CFAP61: variants seen among roughly 807,000 people sequenced by gnomAD.
CFAP61 encodes cilia- and flagella-associated protein 61.
Under a neutral mutation model 135.6 loss-of-function variants are expected in CFAP61, and 107 were observed. The ratio of observed to expected loss-of-function variants is 0.79; its 90% CI spans 0.67 to 0.93. CFAP61 has a LOEUF of 0.93. Ranked by LOEUF, CFAP61 falls within the 40% of genes least tolerant of loss-of-function variation. CFAP61 has a pLI of 0.00. For missense variants in CFAP61, 1,507 were observed against 1,556.2 expected (o/e 0.97, Z 0.53); for synonymous variants, 575 against 578.5 (o/e 0.99, Z 0.09).
intron 21 of CFAP61, among the ~76,000 whole-genome samples, chr20:20,273,540 G>T (rs2053523854): frequency 6.6e-6 from 1 of 152,212 alleles, no homozygotes. Flanking sequence ...CCAAAAGTAT[G>T]ATCCAGCTAG....
At chr20:20,090,118 C>A (rs1473005381) in intron 6 of CFAP61, among the ~76,000 whole-genome samples, 3 of 152,116 alleles carry the variant, frequency 2.0e-5, no homozygotes, top group Non-Finnish European at 2.9e-5. Flanking sequence ...GAAGTGCTGC[C>A]CCTAGTCTCT....
chr20:20,289,718 G>C (rs6035597), intron 23 of CFAP61, among the ~76,000 whole-genome samples: 1 of 151,964 alleles, frequency 6.6e-6, no homozygotes, highest in Non-Finnish European at 1.5e-5. Context: ...GTCTTGCTCT[G>C]CTTCTCACTC....
intron 25 of CFAP61, among the ~76,000 whole-genome samples, chr20:20,314,617 T>A (rs1295320352): frequency 6.8e-6 from 1 of 146,734 alleles, no homozygotes; most frequent in Non-Finnish European, 1.5e-5. Flanking sequence ...ACATGTGCCA[T>A]GCTGGTGGGC....
intron 25 of CFAP61, among the ~76,000 whole-genome samples, chr20:20,336,582 G>A (rs1386104076): frequency 6.6e-6 from 1 of 151,676 alleles, no homozygotes; most frequent in Non-Finnish European, 1.5e-5. Flanking sequence ...CTATGACTGT[G>A]CCACTGTATT....
chr20:20,192,154 T>C (rs1205541688), intron 15 of CFAP61, among the ~76,000 whole-genome samples: 1 of 152,154 alleles, frequency 6.6e-6, no homozygotes, highest in African/African-American at 2.4e-5. Context: ...TTAGGGAGAA[T>C]TGACATTAAA....
intron 8 of CFAP61, among the ~76,000 whole-genome samples, chr20:20,116,408 T>C (rs2049144416): frequency 6.6e-6 from 1 of 152,198 alleles, no homozygotes; most frequent in Non-Finnish European, 1.5e-5. Flanking sequence ...TTGTCTCCTT[T>C]GCCGCGCAGA....
At chr20:20,082,501 T>C (rs1157456494) in intron 6 of CFAP61, among the ~76,000 whole-genome samples, 1 of 152,242 alleles carries the variant, frequency 6.6e-6, no homozygotes, top group African/African-American at 2.4e-5. Context: ...TGGGCTTAAT[T>C]AATCATCCAT....
At chr20:20,198,769 G>A (rs1329683347) in intron 16 of CFAP61, among the ~76,000 whole-genome samples, 1 of 152,162 alleles carries the variant, frequency 6.6e-6, no homozygotes, top group African/African-American at 2.4e-5. Context: ...AGTGGTGAAG[G>A]ATTTTAGAAA....
At position 20,196,449 on chromosome 20, in the gene CFAP61, G is replaced by A. The variant is rs1325520860; in HGVS notation, c.1591-121G>A. The A allele has an allele frequency of 4.2e-6, 3 of 721,966 alleles. No individual in the cohort carries two copies. The African/African-American group carries it at 5.4e-5, about 13-fold the overall frequency. The allele number at this position is 721,966 out of a possible 1,614,324, so 44.7% of individuals were successfully genotyped here. On this transcript the variant is annotated intron_variant, in intron 15 of 26. Coordinates refer to ENST00000245957, the MANE Select transcript of CFAP61 (RefSeq NM_015585.4). ...CCATGGAGATGAGGTGGCAAATATGGAAGAGAAAAATACGTTTCTTACTAT... is the reference window on the plus strand; with the variant it reads ...CCATGGAGATGAGGTGGCAAATATGAAAGAGAAAAATACGTTTCTTACTAT...
intron 17 of CFAP61, among the ~76,000 whole-genome samples, chr20:20,216,280 A>G (rs1845129872): frequency 6.6e-6 from 1 of 152,236 alleles, no homozygotes; most frequent in South Asian, 2.1e-4. Flanking sequence ...TGAGAAATTA[A>G]AAGTACGTGA....
intron 8 of CFAP61, among the ~76,000 whole-genome samples, chr20:20,113,665 G>A (rs1337620041): frequency 6.6e-6 from 1 of 152,048 alleles, no homozygotes; most frequent in Non-Finnish European, 1.5e-5. Context: ...TTCACATATG[G>A]TGTGATATAG....
intron 17 of CFAP61, among the ~76,000 whole-genome samples, chr20:20,219,324 T>C (rs559252932): frequency 2.0e-5 from 3 of 152,288 alleles, no homozygotes; most frequent in African/African-American, 7.2e-5. Context: ...ATTGATTTTA[T>C]CCCAAAATTT....
chr20:20,294,719 G>A (rs1304714360), intron 24 of CFAP61, among the ~76,000 whole-genome samples: 1 of 151,858 alleles, frequency 6.6e-6, no homozygotes, highest in Non-Finnish European at 1.5e-5. Context: ...ATGAGGTCAG[G>A]AGATCGAGAC....
At chr20:20,158,957 ATTACT>A (rs972931645) in intron 9 of CFAP61, among the ~76,000 whole-genome samples, 5 of 152,240 alleles carry the variant, frequency 3.3e-5, no homozygotes, top group African/African-American at 7.2e-5. Context: ...AGTTTTTGCC[ATTACT>A]TTAATGCAAT....
intron 8 of CFAP61, among the ~76,000 whole-genome samples, chr20:20,142,172 A>C (rs1250553291): frequency 6.6e-6 from 1 of 152,196 alleles, no homozygotes; most frequent in Non-Finnish European, 1.5e-5. Flanking sequence ...CAAAATGGGA[A>C]ATTTTTAGTA....
At chr20:20,328,781 G>A (rs2057860606) in intron 25 of CFAP61, among the ~76,000 whole-genome samples, 1 of 152,324 alleles carries the variant, frequency 6.6e-6, no homozygotes, top group South Asian at 2.1e-4. Context: ...ACATGAAAAG[G>A]TGTTAGACGT....
rs995669501 is a variant in CFAP61 at position 20,181,186 on chromosome 20, C to CATATATATGTATATATATGTATAT, written c.1386-6740_1386-6717dup. 2.6e-5 allele frequency among the ~76,000 whole-genome samples: 3 copies of CATATATATGTATATATATGTATAT among 114,364 alleles called. No homozygotes were observed. In the Admixed American group the frequency reaches 2.7e-4, roughly 10 times the overall value. 75.0% of individuals were successfully genotyped at this position (114,364 alleles called of 152,430 possible). A position where few individuals can be genotyped will look rare whatever the true frequency, so the allele number is the denominator to read the frequency against. On this transcript the variant is annotated intron_variant, in intron 13 of 26. Coordinates refer to ENST00000245957, the MANE Select transcript of CFAP61 (RefSeq NM_015585.4). ...AGTTATATATATACACATATATATG[C>CATATATATGTATATATATGTATAT]ATATATATGTATATATATGTATATA...
intron 25 of CFAP61, among the ~76,000 whole-genome samples, chr20:20,318,038 C>A (rs112435557): frequency 3.3e-5 from 5 of 152,330 alleles, no homozygotes; most frequent in African/African-American, 1.2e-4. Context: ...CAGGGATCTG[C>A]TGGGCTTTTC....
At chr20:20,132,503 T>G (rs2050617200) in intron 8 of CFAP61, among the ~76,000 whole-genome samples, 1 of 152,124 alleles carries the variant, frequency 6.6e-6, no homozygotes, top group Non-Finnish European at 1.5e-5. Context: ...ATTTTTAGGT[T>G]CAGTGTTCTG....
Sources: allele counts gnomAD v4.1 joint callset (sites outside exome capture counted in the v4.1 genomes callset), GRCh38; gene constraint gnomAD v4.1.1; transcripts MANE v1.5; gene names NCBI Gene and HGNC (gene_info 2026-07-23, HGNC 2026-07-21).